Variants in PAPSS2 observed in about 807,000 individuals in gnomAD.
The protein encoded by PAPSS2 is bifunctional 3'-phosphoadenosine 5'-phosphosulfate synthase 2.
PAPSS2 carries 61 observed loss-of-function variants against 66.5 expected under a neutral mutation model. That is an observed-to-expected ratio of 0.92 (90% CI 0.75 to 1.14). PAPSS2 has a LOEUF of 1.14. Among genes scored for constraint, PAPSS2 ranks in the 50% most tolerant of loss-of-function variants. The pLI is 0.00. For synonymous variants in PAPSS2, 289 were observed against 287.5 expected, an observed-to-expected ratio of 1.01 and a Z score of -0.05; for missense variants, 708 against 789.6, an observed-to-expected ratio of 0.90 and a Z score of 1.24.
chr10:87,718,977 ATTC>A (rs1853564969), intron 7 of PAPSS2, among the ~76,000 whole-genome samples: 1 of 151,950 alleles, frequency 6.6e-6, no homozygotes, highest in Admixed American at 6.6e-5. Flanking sequence ...TTTCTGTAAG[ATTC>A]TTCTTTTCCC....
chr10:87,682,615 A>G (rs1166543115), intron 1 of PAPSS2, among the ~76,000 whole-genome samples: 1 of 152,182 alleles, frequency 6.6e-6, no homozygotes, highest in Non-Finnish European at 1.5e-5. Flanking sequence ...AAAAAAATTC[A>G]CTAAAAACAA....
intron 1 of PAPSS2, among the ~76,000 whole-genome samples, chr10:87,700,049 A>G (rs921055235): frequency 3.7e-4 from 56 of 152,138 alleles, no homozygotes; most frequent in African/African-American, 1.3e-3. Context: ...ATAAATACAT[A>G]TATTTTAACG....
intron 1 of PAPSS2, among the ~76,000 whole-genome samples, chr10:87,691,029 A>G (rs1564713792): frequency 1.3e-5 from 2 of 152,264 alleles, no homozygotes; most frequent in East Asian, 3.9e-4. Context: ...AAGAGTTTCT[A>G]TCTTTCTACA....
At chr10:87,709,874 A>C (rs1476662785) in intron 2 of PAPSS2, among the ~76,000 whole-genome samples, 1 of 152,182 alleles carries the variant, frequency 6.6e-6, no homozygotes, top group Admixed American at 6.5e-5. Context: ...TACAGAAATA[A>C]CTTGCTGCTG....
chr10:87,706,047 T>C, intron 1 of PAPSS2, among the ~76,000 whole-genome samples: 1 of 145,696 alleles, frequency 6.9e-6, no homozygotes, highest in African/African-American at 2.6e-5. Context: ...GTCTTTTTAT[T>C]ACTGAGTTGC....
At chr10:87,722,676 A>G (rs1269262772) in intron 8 of PAPSS2, among the ~76,000 whole-genome samples, 6 of 152,244 alleles carry the variant, frequency 3.9e-5, no homozygotes, top group African/African-American at 1.4e-4. Context: ...AAAAGGCTGA[A>G]AACTCAAGTC....
At chr10:87,734,202 G>GC (rs1853764311) in intron 9 of PAPSS2, among the ~76,000 whole-genome samples, 1 of 152,102 alleles carries the variant, frequency 6.6e-6, no homozygotes, top group South Asian at 2.1e-4. Context: ...TCCTTCCAGA[G>GC]CTGGTCATTC....
chr10:87,679,648 G>A lies in PAPSS2; in HGVS notation c.27+19640G>A, dbSNP rs570621926. Among the ~76,000 whole-genome samples, 6 of 152,124 alleles carry A rather than the reference G, an allele frequency of 3.9e-5. No individual in the cohort carries two copies. The South Asian group carries it at 6.2e-4, about 16-fold the overall frequency. On this transcript the variant is annotated intron_variant, in intron 1 of 12. Transcript: ENST00000456849. ...TTAAAACAAAAGTCAAAAGACAAGC[G>A]AAAACCTAGGGGATAATTTGTAACT...
At position 87,713,312 on chromosome 10, in the gene PAPSS2, T is replaced by TAAGAAAA; in HGVS notation, c.381+4_381+5insGAAAAAA. On this transcript the variant is annotated splice_region_variant and intron_variant, in intron 3 of 12. Transcript: ENST00000456849. ...AGCTTTATTTCTCCATTCGCAAAGGTAAAAAAAAAAAAAAAAAAAAAAGGC... is the reference window on the plus strand; with the variant it reads ...AGCTTTATTTCTCCATTCGCAAAGGTAAGAAAAAAAAAAAAAAAAAAAAAAAAAAGGC... 2 of 573,438 alleles carry TAAGAAAA rather than the reference T, an allele frequency of 3.5e-6. No homozygotes were observed. The highest frequency in any genetic ancestry group is 4.3e-5 in the South Asian group (2 of 46,078). The allele number at this position is 573,438 out of a possible 1,614,324, so 35.5% of individuals were successfully genotyped here. A position where few individuals can be genotyped will look rare whatever the true frequency, so the allele number is the denominator to read the frequency against.
chr10:87,680,722 C>T (rs2131903974), intron 1 of PAPSS2, among the ~76,000 whole-genome samples: 1 of 152,182 alleles, frequency 6.6e-6, no homozygotes, highest in Middle Eastern at 3.4e-3. Flanking sequence ...ACTTTCATAA[C>T]TGGCACACAG....
rs1459705587 is a variant in PAPSS2 at position 87,706,084 on chromosome 10, G to GTGTATATATA, written c.28-3111_28-3110insGTATATATAT. Among the ~76,000 whole-genome samples the GTGTATATATA allele has an allele frequency of 2.7e-4, 16 of 60,184 alleles. 1 individual carries two copies. Among genetic ancestry groups the GTGTATATATA allele is most frequent in the African/African-American group, 1.2e-3 (13 of 10,910 alleles). 39.5% of individuals were successfully genotyped at this position (60,184 alleles called of 152,430 possible). A position where few individuals can be genotyped will look rare whatever the true frequency, so the allele number is the denominator to read the frequency against. On this transcript the variant is annotated intron_variant, in intron 1 of 12. Transcript: ENST00000456849. ...AGTGTGCTTTACGTTTCTTCACATG[G>GTGTATATATA]TATATATATATATATATATATATAT... is the stretch of plus-strand genomic sequence containing the variant.
At chr10:87,684,101 G>A (rs1305204191) in intron 1 of PAPSS2, among the ~76,000 whole-genome samples, 2 of 152,186 alleles carry the variant, frequency 1.3e-5, no homozygotes. Context: ...GTACCAGTAC[G>A]TGTTGTCAAC....
chr10:87,692,937 A>T (rs1350649650), intron 1 of PAPSS2, among the ~76,000 whole-genome samples: 2 of 152,360 alleles, frequency 1.3e-5, no homozygotes, highest in Middle Eastern at 6.8e-3. Context: ...TTGATTAGGC[A>T]CTGTTTTAAA....
intron 1 of PAPSS2, among the ~76,000 whole-genome samples, chr10:87,692,447 A>G (rs1853183452): frequency 6.6e-6 from 1 of 152,174 alleles, no homozygotes; most frequent in South Asian, 2.1e-4. Context: ...CTAAAGAGAG[A>G]TGGAGGAAGA....
chr10:87,713,362 T>A (rs1204063586), intron 3 of PAPSS2, 52 bp downstream of exon 3: 1 of 1,013,600 alleles, frequency 9.9e-7, no homozygotes, highest in Non-Finnish European at 1.5e-6. Context: ...CCACACACAG[T>A]GCAAGTGCTC....
Position 87,745,026 on chromosome 10 carries a change from A to G in PAPSS2, c.1516A>G (p.Met506Val). ...TEVQWHCRSR[M>V]IAGANFYIVG... ...GGTCCAGTGGCACTGCAGGTCCCGG[A>G]TGATTGCGGGTGCCAATTTCTACAT... is the stretch of plus-strand genomic sequence containing the variant. Residue 506 changes from methionine (M) to valine (V), a missense_variant, in exon 12 of 13, where the codon ATG becomes GTG. Met to Val is a conservative substitution (Grantham distance 21). Transcript: ENST00000456849. 6.2e-7 allele frequency: 1 copy of G among 1,614,084 alleles called. No homozygotes were observed. The highest frequency in any genetic ancestry group is 8.5e-7 in the Non-Finnish European group (1 of 1,179,974).
chr10:87,726,656 T>C (rs79099627), intron 8 of PAPSS2, among the ~76,000 whole-genome samples: 2,584 of 152,126 alleles, frequency 0.017, 39 homozygotes, highest in Middle Eastern at 0.027. Flanking sequence ...AAAAGGTGAA[T>C]GAGGTATTAC....
At position 87,706,174 on chromosome 10, in the gene PAPSS2, C is replaced by T. The variant is rs1321448198; in HGVS notation, c.28-3022C>T. ...TACCCTCTCCCTCAGAGAGTGGAGCCCCAGTTACCTCATCTTTTTGTCTGT... is the reference window on the plus strand; with the variant it reads ...TACCCTCTCCCTCAGAGAGTGGAGCTCCAGTTACCTCATCTTTTTGTCTGT... On this transcript the variant is annotated intron_variant, in intron 1 of 12. Transcript: ENST00000456849. Among the ~76,000 whole-genome samples, 5 of 140,906 alleles carry T rather than the reference C, an allele frequency of 3.5e-5. No individual in the cohort carries two copies. In the East Asian group the frequency reaches 8.3e-4, roughly 23 times the overall value. 92.4% of individuals were successfully genotyped at this position (140,906 alleles called of 152,430 possible). A position where few individuals can be genotyped will look rare whatever the true frequency, so the allele number is the denominator to read the frequency against.
intron 1 of PAPSS2, among the ~76,000 whole-genome samples, chr10:87,686,749 C>G (rs1335855255): frequency 6.6e-6 from 1 of 152,150 alleles, no homozygotes; most frequent in Non-Finnish European, 1.5e-5. Context: ...GGCTTTTAAA[C>G]CATCCCTTCT....
Sources: allele counts gnomAD v4.1 joint callset (sites outside exome capture counted in the v4.1 genomes callset), GRCh38; gene constraint gnomAD v4.1.1; transcripts MANE v1.5; gene names NCBI Gene and HGNC (gene_info 2026-07-23, HGNC 2026-07-21).